Variants in ASZ1 observed in about 807,000 individuals in gnomAD.
The protein encoded by ASZ1 is ankyrin repeat, SAM and basic leucine zipper domain containing 1.
In ASZ1, 67 loss-of-function variants were observed where a neutral mutation model predicts 61.8. The observed-to-expected ratio is 1.08, with a 90% confidence interval of 0.89 to 1.33. ASZ1 has a LOEUF of 1.33. Ranked by LOEUF, ASZ1 falls within the 40% of genes most tolerant of loss-of-function variation. The probability of loss-of-function intolerance (pLI) is 0.00; values close to 1 mark genes in which losing one functional copy is unlikely to be tolerated. For missense variants in ASZ1, 577 were observed against 554.5 expected (o/e 1.04, Z -0.41); for synonymous variants, 193 against 192.7 (o/e 1.00, Z -0.01).
In ASZ1 at chr7:117,385,870, T is replaced by C. The variant is rs905709044; in HGVS notation, c.441-61A>G. 6.6e-6 allele frequency: 9 copies of C among 1,357,232 alleles called. No individual in the cohort carries two copies. In the Admixed American group the frequency reaches 1.6e-4, roughly 24 times the overall value. The allele number at this position is 1,357,232 out of a possible 1,614,324, so 84.1% of individuals were successfully genotyped here. ...TGCTGCCATTAATCTCTCATTTTCA[T>C]TAATTTAACCATACACAATACCACC... is the stretch of plus-strand genomic sequence containing the variant. On this transcript the variant is annotated intron_variant, in intron 4 of 12. Transcript: ENST00000284629.
intron 10 of ASZ1, among the ~76,000 whole-genome samples, chr7:117,378,244 G>C (rs568821091): frequency 6.6e-6 from 1 of 152,002 alleles, no homozygotes; most frequent in African/African-American, 2.4e-5. Flanking sequence ...CCCATTAAGA[G>C]GATGAAAAGA....
chr7:117,369,764 G>A (rs531989971), intron 10 of ASZ1, among the ~76,000 whole-genome samples: 1 of 152,162 alleles, frequency 6.6e-6, no homozygotes, highest in Non-Finnish European at 1.5e-5. Flanking sequence ...AATTGAATTT[G>A]GTGGTGCATG....
rs202243868 is a variant in ASZ1 at position 117,426,903 on chromosome 7, C to A, written c.138G>T (p.Lys46Asn). 2 of 1,612,878 alleles carry A rather than the reference C, an allele frequency of 1.2e-6. No homozygotes were observed. Among genetic ancestry groups the A allele is most frequent in the African/African-American group, 1.3e-5 (1 of 74,912 alleles). The change falls in exon 2 of 13, where the codon AAG (lysine) becomes AAT (asparagine). Residue 46 changes from lysine (K) to asparagine (N), a missense_variant. Lys to Asn is a moderately conservative substitution (Grantham distance 94, BLOSUM62 0). Coordinates refer to ENST00000284629, the MANE Select transcript of ASZ1 (RefSeq NM_130768.3). ...TCATTGCTTTCTTAAATTTTTCTTT[C>A]TTTTCTTCAATGGGTAATAGCCTTT... The part of the protein sequence containing the change: ...KLKRLLPIEE[K>N]KEKFKKAMTI...
chr7:117,418,807 A>G (rs1474226255), intron 4 of ASZ1, among the ~76,000 whole-genome samples: 2 of 151,998 alleles, frequency 1.3e-5, no homozygotes, highest in Non-Finnish European at 2.9e-5. Context: ...ACAAAAATAC[A>G]AAAATTAGCC....
chr7:117,368,718 C>T lies in ASZ1; in HGVS notation c.1056-1G>A. ...AAGAAAGTTGAGGAACTCATCACCA[C>T]TAAAGAAAGGAAACAAACAAACAAG... On this transcript the variant is annotated splice_acceptor_variant, in intron 10 of 12. Coordinates refer to ENST00000284629, the MANE Select transcript of ASZ1 (RefSeq NM_130768.3). LOFTEE classifies it high-confidence loss of function. The T allele has an allele frequency of 6.2e-7, 1 of 1,610,452 alleles. No individual in the cohort carries two copies. The highest frequency in any genetic ancestry group is 8.5e-7 in the Non-Finnish European group (1 of 1,178,876).
chr7:117,427,468 A>C lies in ASZ1; in HGVS notation c.-8T>G. The stretch of plus-strand genomic sequence containing the variant: ...CAGCGCGCTCGCCGCCATGCCAGCC[A>C]AGGAAGCTCCCTGTCGGCACCGCGC... On this transcript the variant is annotated 5_prime_UTR_variant, in exon 1 of 13. Coordinates refer to ENST00000284629, the MANE Select transcript of ASZ1 (RefSeq NM_130768.3). 1.2e-6 allele frequency: 2 copies of C among 1,613,638 alleles called. No individual in the cohort carries two copies. The highest frequency in any genetic ancestry group is 1.7e-6 in the Non-Finnish European group (2 of 1,179,736).
rs1440767172 is a variant in ASZ1 at position 117,368,671 on chromosome 7, C to T, written c.1102G>A (p.Gly368Ser). The T allele has an allele frequency of 1.2e-6, 2 of 1,612,706 alleles. No individual in the cohort carries two copies. The highest frequency in any genetic ancestry group is 3.3e-5 in the Admixed American group (2 of 59,924). Residue 368 changes from glycine to serine, a missense_variant, in exon 11 of 13, where the codon GGC (glycine) becomes AGC (serine). Transcript: ENST00000284629. ...TTCTGTACAGCTGTTATTAAATGGC[C>T]ACACTGTTTATTTAATTTGAGAAGA... is the stretch of plus-strand genomic sequence containing the variant. Reference protein sequence around the residue: ...NFLLKLNKQCGHLITAVQNVI... With the variant: ...NFLLKLNKQCSHLITAVQNVI...
chr7:117,427,271 G>C (rs1219835222), intron 1 of ASZ1, 85 bp downstream of exon 1: 1 of 1,388,920 alleles, frequency 7.2e-7, no homozygotes, highest in East Asian at 2.3e-5. Context: ...TGAGGGAGTA[G>C]GAGGTTTCAC....
intron 10 of ASZ1, 26 bp from the exon 11 acceptor site, chr7:117,368,743 G>A (rs762270460): frequency 6.2e-7 from 1 of 1,606,880 alleles, no homozygotes; most frequent in Non-Finnish European, 8.5e-7. Flanking sequence ...AAACAAACAA[G>A]CAGGAATTAC....
chr7:117,394,002 T>A (rs1373431419), intron 4 of ASZ1, among the ~76,000 whole-genome samples: 1 of 152,326 alleles, frequency 6.6e-6, no homozygotes, highest in African/African-American at 2.4e-5. Context: ...AGAAAAGAGA[T>A]GTTTACTTTT....
intron 10 of ASZ1, 35 bp downstream of exon 10, chr7:117,379,903 A>G (rs1241910596): frequency 1.5e-6 from 2 of 1,332,522 alleles, no homozygotes; most frequent in Admixed American, 3.6e-5. Flanking sequence ...GGTTCTTAAC[A>G]CTATTAATAA....
At chr7:117,368,429 T>G in intron 11 of ASZ1, 183 bp downstream of exon 11, 1 of 1,268,612 alleles carries the variant, frequency 7.9e-7, no homozygotes, top group Non-Finnish European at 9.9e-7. Flanking sequence ...GAATACAAAG[T>G]TTTAAAATCA....
chr7:117,426,297 C>T (rs151303667), intron 2 of ASZ1, among the ~76,000 whole-genome samples: 5 of 147,142 alleles, frequency 3.4e-5, no homozygotes, highest in South Asian at 4.4e-4. Flanking sequence ...CTGGCTAACA[C>T]GGTGAAACCC....
intron 11 of ASZ1, 28 bp from the exon 12 acceptor site, chr7:117,367,493 TAAATAATGG>T: frequency 7.1e-7 from 1 of 1,410,446 alleles, no homozygotes; most frequent in Admixed American, 2.7e-5. Flanking sequence ...AGTTCAACAT[TAAATAATGG>T]AAATAACTTT....
At chr7:117,397,820 G>C (rs1796604810) in intron 4 of ASZ1, among the ~76,000 whole-genome samples, 1 of 142,130 alleles carries the variant, frequency 7.0e-6, no homozygotes, top group African/African-American at 2.6e-5. Context: ...CAGGTGGAAA[G>C]GGAAAGTGCC....
chr7:117,426,665 A>G (rs910545457), intron 2 of ASZ1, among the ~76,000 whole-genome samples, 171 bp downstream of exon 2: 1 of 152,084 alleles, frequency 6.6e-6, no homozygotes, highest in Non-Finnish European at 1.5e-5. Context: ...AAATGCAAGC[A>G]GAGAGGAAGA....
At chr7:117,391,743 C>A (rs765471115) in intron 4 of ASZ1, among the ~76,000 whole-genome samples, 4 of 151,976 alleles carry the variant, frequency 2.6e-5, no homozygotes, top group Admixed American at 6.6e-5. Context: ...AAGCTTTGTT[C>A]TTTTTGCTTA....
chr7:117,391,650 A>T (rs2116485053), intron 4 of ASZ1, among the ~76,000 whole-genome samples: 1 of 152,244 alleles, frequency 6.6e-6, no homozygotes, highest in Non-Finnish European at 1.5e-5. Flanking sequence ...ATTGGGCTAC[A>T]TGTCTATGTC....
intron 2 of ASZ1, among the ~76,000 whole-genome samples, chr7:117,423,945 A>T (rs1021022842): frequency 1.3e-5 from 2 of 152,096 alleles, no homozygotes; most frequent in Non-Finnish European, 2.9e-5. Flanking sequence ...CTAATATTTA[A>T]CATAAATTAC....
Sources: gnomAD v4.1 joint callset for allele counts (sites outside exome capture counted in the v4.1 genomes callset) on GRCh38, gnomAD v4.1.1 for gene constraint, MANE v1.5 for transcripts, NCBI Gene and HGNC (gene_info 2026-07-23, HGNC 2026-07-21) for gene names.